The following PRELID2 variants were observed in gnomAD, a reference collection of about 807,000 sequenced individuals.
PRELID2 encodes the protein PRELI domain-containing protein 2.
PRELID2 carries 25 observed loss-of-function variants against 28.4 expected under a neutral mutation model. That is an observed-to-expected ratio of 0.88 (90% CI 0.64 to 1.23). PRELID2 has a LOEUF of 1.23. Ranked by LOEUF, PRELID2 falls within the 50% of genes most tolerant of loss-of-function variation. The pLI, the probability that PRELID2 is intolerant of heterozygous loss-of-function variation, is 0.00. For synonymous variants in PRELID2, 76 were observed against 71.6 expected (o/e 1.06, Z -0.31); for missense variants, 201 against 214.4 (o/e 0.94, Z 0.39).
intron 1 of PRELID2, among the ~76,000 whole-genome samples, chr5:145,502,672 T>A (rs983768423): frequency 1.3e-5 from 2 of 152,128 alleles, no homozygotes; most frequent in African/African-American, 2.4e-5. Context: ...TCTTTTGCCC[T>A]CGGAGCTTAG....
chr5:145,752,057 G>A (rs1367814230), downstream of PRELID2, among the ~76,000 whole-genome samples: 1 of 152,134 alleles, frequency 6.6e-6, no homozygotes, highest in African/African-American at 2.4e-5. Context: ...AGATCCCTAA[G>A]AGAACAAATA....
At chr5:145,352,088 G>T in the PRELID2 span, among the ~76,000 whole-genome samples, 1 of 152,134 alleles carries the variant, frequency 6.6e-6, no homozygotes. Context: ...AGCCGTCAGT[G>T]GATTTACCAC....
the PRELID2 span, among the ~76,000 whole-genome samples, chr5:145,375,074 G>T: frequency 6.6e-6 from 1 of 151,960 alleles, no homozygotes; most frequent in Non-Finnish European, 1.5e-5. Flanking sequence ...GGCCTTTCGG[G>T]TTTTCAGCAT....
intron 1 of PRELID2, among the ~76,000 whole-genome samples, chr5:145,576,202 A>G (rs993193011): frequency 6.6e-6 from 1 of 152,192 alleles, no homozygotes; most frequent in Non-Finnish European, 1.5e-5. Context: ...ATTTGCAATC[A>G]TCACTATGTT....
intron 1 of PRELID2, among the ~76,000 whole-genome samples, chr5:145,500,357 C>T (rs1042327325): frequency 6.6e-6 from 1 of 152,118 alleles, no homozygotes; most frequent in African/African-American, 2.4e-5. Flanking sequence ...TTGCCTTCCA[C>T]CGTGATTGTA....
intron 1 of PRELID2, among the ~76,000 whole-genome samples, chr5:145,516,771 T>A (rs1181360225): frequency 1.3e-5 from 2 of 152,158 alleles, no homozygotes; most frequent in African/African-American, 4.8e-5. Context: ...AACAGCATGG[T>A]ACTGGTACCA....
chr5:145,814,749 C>T (rs1190580117), intron 4 of PRELID2, among the ~76,000 whole-genome samples: 3 of 151,732 alleles, frequency 2.0e-5, no homozygotes, highest in Non-Finnish European at 4.4e-5. Context: ...ACAGCAACCA[C>T]AGTTCACAGC....
At chr5:145,444,421 C>G in the PRELID2 span, among the ~76,000 whole-genome samples, 1 of 152,030 alleles carries the variant, frequency 6.6e-6, no homozygotes, top group Admixed American at 6.6e-5. Context: ...CTGTGTGATA[C>G]TAATTACCCT....
chr5:145,785,023 C>T (rs756085839), intron 5 of PRELID2, among the ~76,000 whole-genome samples: 9 of 152,008 alleles, frequency 5.9e-5, no homozygotes, highest in Middle Eastern at 6.8e-3. Context: ...TTGCCCTGTA[C>T]CACGGTATAT....
intron 5 of PRELID2, among the ~76,000 whole-genome samples, chr5:145,786,953 T>A (rs1752032993): frequency 6.6e-6 from 1 of 152,228 alleles, no homozygotes; most frequent in Admixed American, 6.5e-5. Flanking sequence ...TTCAAATTGT[T>A]TGACTTGCCC....
the PRELID2 span, chr5:145,230,059 C>A: frequency 1.5e-6 from 1 of 681,004 alleles, no homozygotes; most frequent in Non-Finnish European, 2.7e-6. Flanking sequence ...AGATAGACCC[C>A]TGTACCATGA....
At chr5:145,413,056 G>T in the PRELID2 span, among the ~76,000 whole-genome samples, 1 of 152,044 alleles carries the variant, frequency 6.6e-6, no homozygotes, top group Non-Finnish European at 1.5e-5. Context: ...TGAGATTTTA[G>T]GTGGGGACAT....
chr5:145,761,797 T>C, intron 6 of PRELID2, among the ~76,000 whole-genome samples: 1 of 152,328 alleles, frequency 6.6e-6, no homozygotes, highest in South Asian at 2.1e-4. Context: ...TACTTTATTA[T>C]AGCTATAGAG....
chr5:145,413,089 T>C, the PRELID2 span, among the ~76,000 whole-genome samples: 1 of 151,898 alleles, frequency 6.6e-6, no homozygotes, highest in Non-Finnish European at 1.5e-5. Context: ...TCACTATGCA[T>C]CCAACAAAAG....
the PRELID2 span, among the ~76,000 whole-genome samples, chr5:145,300,360 C>G: frequency 6.6e-6 from 1 of 152,092 alleles, no homozygotes; most frequent in African/African-American, 2.4e-5. Flanking sequence ...CTGAATTCTA[C>G]AGGGGCTCAT....
intron 1 of PRELID2, among the ~76,000 whole-genome samples, chr5:145,606,341 G>C (rs1753504540): frequency 1.3e-5 from 2 of 152,042 alleles, no homozygotes; most frequent in African/African-American, 4.8e-5. Flanking sequence ...TCCTTGTCTT[G>C]TTCCAGTTTT....
At chr5:145,711,468 T>C (rs930408355) in intron 1 of PRELID2, among the ~76,000 whole-genome samples, 3 of 152,042 alleles carry the variant, frequency 2.0e-5, no homozygotes, top group African/African-American at 7.2e-5. Context: ...CCATTTTGAG[T>C]TGTGAAAGGC....
chr5:145,789,784 C>G (rs543769774), intron 5 of PRELID2, among the ~76,000 whole-genome samples: 1 of 152,194 alleles, frequency 6.6e-6, no homozygotes, highest in South Asian at 2.1e-4. Flanking sequence ...GGGATTCAAA[C>G]AACTCAATTG....
the PRELID2 span, among the ~76,000 whole-genome samples, chr5:145,443,830 T>C: frequency 6.6e-6 from 1 of 152,006 alleles, no homozygotes; most frequent in African/African-American, 2.4e-5. Flanking sequence ...GAAATTAAAG[T>C]TGGAGCCCCT....
Sources: gnomAD v4.1 joint callset for allele counts (sites outside exome capture counted in the v4.1 genomes callset) on GRCh38, gnomAD v4.1.1 for gene constraint, MANE v1.5 for transcripts, NCBI Gene and HGNC (gene_info 2026-07-23, HGNC 2026-07-21) for gene names.